Variants in CCDC88A observed in about 807,000 individuals in gnomAD.
CCDC88A encodes the protein coiled-coil and HOOK domain protein 88A.
A neutral mutation model predicts 234.3 loss-of-function variants in CCDC88A; 54 were observed. The ratio of observed to expected loss-of-function variants is 0.23; its 90% confidence interval spans 0.19 to 0.29. The LOEUF (loss-of-function observed/expected upper bound fraction) is 0.29, where lower values mean the gene tolerates loss of function less well. Ranked by LOEUF, CCDC88A falls within the 10% of genes least tolerant of loss-of-function variation. CCDC88A has a pLI of 1.00. For missense variants in CCDC88A, 1,832 were observed against 2,123.4 expected, an observed-to-expected ratio of 0.86 and a Z score of 2.70; for synonymous variants, 753 against 737.8, an observed-to-expected ratio of 1.02 and a Z score of -0.33.
chr2:55,410,151 C>G (rs1680238952), intron 2 of CCDC88A, among the ~76,000 whole-genome samples: 1 of 152,104 alleles, frequency 6.6e-6, no homozygotes, highest in South Asian at 2.1e-4. Context: ...CTAGGTCTGT[C>G]CTTAGAAAAG....
chr2:55,375,468 ACTATATATATATAT>A (rs1673483958), intron 3 of CCDC88A, among the ~76,000 whole-genome samples: 1 of 129,718 alleles, frequency 7.7e-6, no homozygotes, highest in Non-Finnish European at 1.6e-5. Flanking sequence ...CTGTCACTGT[ACTATATATATATAT>A]ATATATATAT....
rs187921458 is a variant in CCDC88A, at chr2:55,407,226, A to G, written c.164+11590T>C. 3.2e-4 allele frequency among the ~76,000 whole-genome samples: 48 copies of G among 151,810 alleles called. 1 individual carries two copies. In the East Asian group the frequency reaches 6.6e-3, roughly 21 times the overall value. ...AAGACCCTGTCTCAAGAAAAAAAAA[A>G]GAATATACTGTCTAAAAATTTTCCA... On this transcript the variant is annotated intron_variant, in intron 2 of 32. Transcript: ENST00000436346.
At chr2:55,343,594 T>A in intron 12 of CCDC88A, 54 bp downstream of exon 12, 1 of 1,413,706 alleles carries the variant, frequency 7.1e-7, no homozygotes. Flanking sequence ...CAAGTAAACA[T>A]AAATACAACT....
chr2:55,337,514 A>C (rs1174104255), intron 13 of CCDC88A: 1 of 152,208 alleles, frequency 6.6e-6, no homozygotes, highest in African/African-American at 2.4e-5. Context: ...ATTCTACTGC[A>C]AGTTAAATGT....
intron 2 of CCDC88A, among the ~76,000 whole-genome samples, chr2:55,411,110 TTAAG>T (rs907011325): frequency 3.3e-5 from 5 of 152,176 alleles, no homozygotes; most frequent in African/African-American, 1.2e-4. Flanking sequence ...AATTAATAAA[TTAAG>T]TATTATACAG....
chr2:55,413,826 C>T (rs1397700562), intron 2 of CCDC88A, among the ~76,000 whole-genome samples: 1 of 151,998 alleles, frequency 6.6e-6, no homozygotes, highest in Non-Finnish European at 1.5e-5. Flanking sequence ...GTAGCGCGTG[C>T]CTGTGGTCCT....
At chr2:55,369,837 T>C (rs2104812164) in intron 5 of CCDC88A, among the ~76,000 whole-genome samples, 1 of 152,296 alleles carries the variant, frequency 6.6e-6, no homozygotes, top group Admixed American at 6.5e-5. Context: ...AAAATACTTC[T>C]TCAATGCACC....
chr2:55,355,494 C>A, intron 8 of CCDC88A, 85 bp downstream of exon 8: 1 of 1,143,982 alleles, frequency 8.7e-7, no homozygotes, highest in Non-Finnish European at 1.3e-6. Flanking sequence ...CACAAGCTAG[C>A]AATATTTCCA....
At chr2:55,366,799 G>C (rs1672039635) in intron 5 of CCDC88A, among the ~76,000 whole-genome samples, 1 of 152,040 alleles carries the variant, frequency 6.6e-6, no homozygotes. Flanking sequence ...CTAAAATAGA[G>C]GAAATGGCAC....
chr2:55,291,763 A>C lies in CCDC88A; in HGVS notation c.5564T>G (p.Val1855Gly). ...NTTAASNVDK[V>G]QESRNSKSRS... ...GCTTTTTGAATTTCTGCTTTCTTGT[A>C]CTTTGTCCACATCTGCAGGAGAAAA... Residue 1855 changes from valine (V) to glycine (G), a missense_variant, in exon 32 of 33, where the codon GTA becomes GGA. Val to Gly is a moderately radical substitution (Grantham distance 109, BLOSUM62 -3). Transcript: ENST00000436346. 6.2e-7 allele frequency: 1 copy of C among 1,611,826 alleles called. No homozygotes were observed. Among genetic ancestry groups the C allele is most frequent in the Non-Finnish European group, 8.5e-7 (1 of 1,178,476 alleles).
At chr2:55,347,972 T>C (rs13423955) in intron 9 of CCDC88A, among the ~76,000 whole-genome samples, 1 of 135,086 alleles carries the variant, frequency 7.4e-6, no homozygotes, top group African/African-American at 3.8e-5. Context: ...AATGACTTTT[T>C]TTTTTCCTTT....
intron 5 of CCDC88A, among the ~76,000 whole-genome samples, chr2:55,367,528 G>GTTTTTTTTTTTTTTGTTTTTTTTTTTTTT: frequency 4.0e-5 from 4 of 99,890 alleles, no homozygotes; most frequent in Non-Finnish European, 7.8e-5. Flanking sequence ...TTATTTCCTT[G>GTTTTTTTTTTTTTTGTTTTTTTTTTTTTT]TTTTTTTTTA....
At chr2:55,394,065 C>T (rs966407832) in intron 2 of CCDC88A, 7 of 152,116 alleles carry the variant, frequency 4.6e-5, no homozygotes, top group African/African-American at 1.7e-4. Context: ...CTCAAAAAAT[C>T]CTTCTCAGTC....
intron 4 of CCDC88A, among the ~76,000 whole-genome samples, chr2:55,374,005 A>T (rs534123388): frequency 6.6e-6 from 1 of 152,340 alleles, no homozygotes; most frequent in Non-Finnish European, 1.5e-5. Context: ...AAAGGGCAGA[A>T]CATTTTGAAG....
intron 2 of CCDC88A, among the ~76,000 whole-genome samples, chr2:55,399,526 C>T (rs1177849919): frequency 1.1e-5 from 1 of 88,448 alleles, no homozygotes; most frequent in African/African-American, 4.2e-5. Flanking sequence ...GACTCTGTCT[C>T]AAAAAAAAAA....
At chr2:55,379,396 G>A (rs1392894444) in intron 3 of CCDC88A, among the ~76,000 whole-genome samples, 2 of 152,006 alleles carry the variant, frequency 1.3e-5, no homozygotes, top group African/African-American at 4.8e-5. Flanking sequence ...AAAAATAAAC[G>A]GAGAAATAAA....
At chr2:55,336,555 A>T in intron 14 of CCDC88A, 126 bp downstream of exon 14, 1 of 584,088 alleles carries the variant, frequency 1.7e-6, no homozygotes, top group Non-Finnish European at 2.8e-6. Context: ...TAATTACTTT[A>T]AAATAAAAAA....
At chr2:55,415,193 T>A (rs1341415524) in intron 2 of CCDC88A, among the ~76,000 whole-genome samples, 1 of 152,080 alleles carries the variant, frequency 6.6e-6, no homozygotes, top group East Asian at 1.9e-4. Flanking sequence ...CGCGTGCCTG[T>A]AGTCCCAACT....
intron 2 of CCDC88A, among the ~76,000 whole-genome samples, chr2:55,391,632 A>G (rs1448773723): frequency 2.6e-5 from 4 of 152,190 alleles, no homozygotes; most frequent in African/African-American, 9.7e-5. Flanking sequence ...GAAATGAAAA[A>G]TTCACCGCAG....
Sources: allele counts gnomAD v4.1 joint callset (sites outside exome capture counted in the v4.1 genomes callset), GRCh38; gene constraint gnomAD v4.1.1; transcripts MANE v1.5; gene names NCBI Gene and HGNC (gene_info 2026-07-23, HGNC 2026-07-21).